The following GLI3 variants were observed in gnomAD, a reference collection of about 807,000 sequenced individuals.
GLI3 encodes transcription activator GLI3.
In GLI3, 20 loss-of-function variants were observed where a neutral mutation model predicts 100.8. The ratio of observed to expected loss-of-function variants is 0.20; its 90% confidence interval spans 0.14 to 0.29. The LOEUF (loss-of-function observed/expected upper bound fraction) is 0.29, where lower values mean the gene tolerates loss of function less well. GLI3 is among the 10% of genes least tolerant of loss of function. The pLI, the probability that GLI3 is intolerant of heterozygous loss-of-function variation, is 1.00. For synonymous variants in GLI3, 938 were observed against 860.5 expected (o/e 1.09, Z -1.58); for missense variants, 2,040 against 2,128.5 (o/e 0.96, Z 0.82).
chr7:42,101,639 A>T (rs1307128155), intron 3 of GLI3, among the ~76,000 whole-genome samples: 1 of 150,724 alleles, frequency 6.6e-6, no homozygotes, highest in Admixed American at 6.6e-5. Context: ...TTGCTTTAAT[A>T]TGCTGCTGAA....
At chr7:42,099,697 T>A (rs1186794872) in intron 3 of GLI3, among the ~76,000 whole-genome samples, 3 of 152,160 alleles carry the variant, frequency 2.0e-5, no homozygotes, top group East Asian at 1.9e-4. Context: ...CTCACTAATT[T>A]AAAAAAAATT....
At chr7:42,240,341 G>C (rs1269355249), upstream of GLI3, among the ~76,000 whole-genome samples, 3 of 152,178 alleles carry the variant, frequency 2.0e-5, no homozygotes, top group Admixed American at 6.5e-5. Flanking sequence ...GATACTTGAA[G>C]ATACTTGCAT....
intron 1 of GLI3, among the ~76,000 whole-genome samples, chr7:42,236,732 C>G (rs914277421): frequency 2.6e-5 from 4 of 152,226 alleles, no homozygotes; most frequent in Admixed American, 6.5e-5. Flanking sequence ...TTCTCCAATC[C>G]GTCTCCGGCC....
chr7:42,024,781 C>T (rs1008693449), intron 9 of GLI3, among the ~76,000 whole-genome samples: 3 of 152,188 alleles, frequency 2.0e-5, no homozygotes, highest in African/African-American at 7.2e-5. Context: ...GTTATGTTTT[C>T]ATCCCTTCTG....
chr7:42,237,374 C>T (rs1473830826), upstream of GLI3, among the ~76,000 whole-genome samples: 2 of 152,084 alleles, frequency 1.3e-5, no homozygotes, highest in Admixed American at 6.5e-5. Flanking sequence ...AAGAAAGAAA[C>T]CCCCAGCCGT....
At chr7:42,052,369 C>T (rs1003990749) in intron 4 of GLI3, among the ~76,000 whole-genome samples, 1 of 152,170 alleles carries the variant, frequency 6.6e-6, no homozygotes, top group African/African-American at 2.4e-5. Flanking sequence ...ACCTTGGAGG[C>T]ACCTCCTTGG....
At chr7:42,095,048 G>C (rs181794948) in intron 3 of GLI3, among the ~76,000 whole-genome samples, 18 of 152,344 alleles carry the variant, frequency 1.2e-4, no homozygotes, top group African/African-American at 4.3e-4. Context: ...GGAGTGTGGA[G>C]AAAAGACACC....
chr7:42,057,817 G>A (rs1784493446), intron 4 of GLI3, among the ~76,000 whole-genome samples: 1 of 152,178 alleles, frequency 6.6e-6, no homozygotes, highest in South Asian at 2.1e-4. Flanking sequence ...ATAACTGGGA[G>A]CTGAGCTATG....
chr7:42,081,810 C>T (rs1785002177), intron 3 of GLI3, among the ~76,000 whole-genome samples: 1 of 151,940 alleles, frequency 6.6e-6, no homozygotes, highest in Admixed American at 6.6e-5. Context: ...CAGTTAGTGC[C>T]CTGAAGGAGT....
Position 42,148,231 on chromosome 7 carries a change from T to C in GLI3, c.362A>G (p.His121Arg). 1 of 1,609,784 alleles carries C rather than the reference T, an allele frequency of 6.2e-7. No individual in the cohort carries two copies. Among genetic ancestry groups the C allele is most frequent in the Admixed American group, 1.7e-5 (1 of 59,676 alleles). ...MDPRNGYMEP[H>R]YHPPHLFPAF... is the part of the protein sequence containing the mutation. ...CGACTGGCATGGGCACTTACGGTAG[T>C]GGGGCTCCATGTAACCATTCCTGGG... Residue 121 changes from histidine (H) to arginine (R), a missense_variant, in exon 3 of 15, where the codon CAC (histidine) becomes CGC (arginine). His to Arg is a conservative substitution (Grantham distance 29, BLOSUM62 0). Coordinates refer to ENST00000395925, the MANE Select transcript of GLI3 (RefSeq NM_000168.6).
At chr7:42,200,067 C>T (rs1232004022) in intron 2 of GLI3, among the ~76,000 whole-genome samples, 1 of 152,150 alleles carries the variant, frequency 6.6e-6, no homozygotes, top group Non-Finnish European at 1.5e-5. Flanking sequence ...AAAAAAGGAC[C>T]TATACCTAAG....
intron 3 of GLI3, among the ~76,000 whole-genome samples, chr7:42,127,646 C>T (rs796211001): frequency 6.6e-6 from 1 of 152,166 alleles, no homozygotes; most frequent in South Asian, 2.1e-4. Flanking sequence ...AGTTTTACAG[C>T]GTATTTTTAT....
intron 4 of GLI3, among the ~76,000 whole-genome samples, chr7:42,052,275 G>A (rs537684277): frequency 3.9e-5 from 6 of 152,244 alleles, no homozygotes; most frequent in African/African-American, 1.4e-4. Flanking sequence ...ATAAACATCT[G>A]TGTCCAGGTT....
intron 3 of GLI3, among the ~76,000 whole-genome samples, chr7:42,115,288 T>C (rs1785825324): frequency 6.6e-6 from 1 of 151,836 alleles, no homozygotes; most frequent in South Asian, 2.1e-4. Context: ...ACAGGCGCCC[T>C]GCCACCATGC....
chr7:42,133,388 T>C (rs1786342198), intron 3 of GLI3, among the ~76,000 whole-genome samples: 1 of 152,122 alleles, frequency 6.6e-6, no homozygotes, highest in African/African-American at 2.4e-5. Flanking sequence ...TCCAAGTTCA[T>C]TTACTTCCAA....
chr7:42,168,597 A>G (rs551296878), intron 2 of GLI3, among the ~76,000 whole-genome samples: 1 of 152,160 alleles, frequency 6.6e-6, no homozygotes, highest in Non-Finnish European at 1.5e-5. Context: ...AAGAAGCCAG[A>G]CACAAAAAGA....
At chr7:41,968,003 T>A (rs1787236072) in intron 13 of GLI3, 80 bp from the exon 14 acceptor site, 2 of 1,044,684 alleles carry the variant, frequency 1.9e-6, no homozygotes, top group African/African-American at 3.1e-5. Flanking sequence ...AGCTCATGCA[T>A]ATCGAGATCT....
At chr7:42,204,769 T>C (rs2128694420) in intron 2 of GLI3, among the ~76,000 whole-genome samples, 1 of 152,212 alleles carries the variant, frequency 6.6e-6, no homozygotes, top group East Asian at 1.9e-4. Context: ...AAAAGAAAAG[T>C]TCTTATGAGA....
At chr7:42,182,894 C>T (rs1364890906) in intron 2 of GLI3, among the ~76,000 whole-genome samples, 1 of 151,472 alleles carries the variant, frequency 6.6e-6, no homozygotes, top group African/African-American at 2.4e-5. Context: ...ATGGCCTGGC[C>T]AACATGGCGA....
Sources: allele counts gnomAD v4.1 joint callset (sites outside exome capture counted in the v4.1 genomes callset), GRCh38; gene constraint gnomAD v4.1.1; transcripts MANE v1.5; gene names NCBI Gene and HGNC (gene_info 2026-07-23, HGNC 2026-07-21).